Variants in ZNF804B observed in about 807,000 individuals in gnomAD.
The protein encoded by ZNF804B is zinc finger protein 804B.
In ZNF804B, 80 loss-of-function variants were observed where a neutral mutation model predicts 101.4. The observed-to-expected ratio is 0.79, with a 90% CI of 0.66 to 0.95. The LOEUF (loss-of-function observed/expected upper bound fraction) is 0.95, where lower values mean the gene tolerates loss of function less well. Ranked by LOEUF, ZNF804B falls within the 40% of genes least tolerant of loss-of-function variation. The pLI is 0.00. For missense variants in ZNF804B, 1,673 were observed against 1,561.9 expected, an observed-to-expected ratio of 1.07 and a Z score of -1.20; for synonymous variants, 622 against 558.8, an observed-to-expected ratio of 1.11 and a Z score of -1.59.
chr7:89,245,896 A>G (rs1223714030), intron 2 of ZNF804B, among the ~76,000 whole-genome samples: 1 of 152,190 alleles, frequency 6.6e-6, no homozygotes, highest in Non-Finnish European at 1.5e-5. Flanking sequence ...CTGAGGATCT[A>G]AGTAACCCAG....
At chr7:89,172,177 A>G (rs1200419923) in intron 1 of ZNF804B, among the ~76,000 whole-genome samples, 1 of 152,110 alleles carries the variant, frequency 6.6e-6, no homozygotes, top group Non-Finnish European at 1.5e-5. Flanking sequence ...AATTGAAGAA[A>G]CAGAGAACAT....
intron 1 of ZNF804B, among the ~76,000 whole-genome samples, chr7:88,772,920 G>T (rs1454313441): frequency 6.6e-6 from 1 of 152,140 alleles, no homozygotes; most frequent in African/African-American, 2.4e-5. Flanking sequence ...AATGGTGAAA[G>T]CTTCTTCCTT....
At chr7:89,067,614 A>G (rs1191314084) in intron 1 of ZNF804B, among the ~76,000 whole-genome samples, 1 of 152,064 alleles carries the variant, frequency 6.6e-6, no homozygotes, top group African/African-American at 2.4e-5. Flanking sequence ...GAGTTGGAAG[A>G]CTTCTGTTGT....
intron 1 of ZNF804B, among the ~76,000 whole-genome samples, chr7:89,127,034 A>G (rs1354799532): frequency 6.6e-6 from 1 of 151,962 alleles, no homozygotes; most frequent in Non-Finnish European, 1.5e-5. Flanking sequence ...TTTAATAATG[A>G]TAATGATCAT....
At chr7:88,987,577 T>G (rs933098058) in intron 1 of ZNF804B, among the ~76,000 whole-genome samples, 11 of 152,164 alleles carry the variant, frequency 7.2e-5, no homozygotes, top group African/African-American at 2.7e-4. Context: ...AACACTTTTT[T>G]TTTAAACAAC....
intron 1 of ZNF804B, among the ~76,000 whole-genome samples, chr7:88,882,670 C>T (rs545898216): frequency 7.2e-5 from 11 of 152,192 alleles, no homozygotes; most frequent in South Asian, 2.1e-4. Context: ...GGCAAATATG[C>T]GCCATGGAAA....
chr7:89,274,413 T>C (rs1385486265), intron 2 of ZNF804B, among the ~76,000 whole-genome samples: 5 of 143,056 alleles, frequency 3.5e-5, no homozygotes, highest in Admixed American at 1.4e-4. Flanking sequence ...ATGCGGTGTT[T>C]GGTTTTTTGT....
rs534373763 is a variant in ZNF804B, at chr7:89,228,197, G to A, written c.249+9902G>A. 7.2e-5 allele frequency among the ~76,000 whole-genome samples: 11 copies of A among 152,164 alleles called. No individual in the cohort carries two copies. The East Asian group carries it at 1.2e-3, about 16-fold the overall frequency. ...CTCAGGAGTGAAGCTGCAGACCTTC[G>A]CAGTGAGTGTTACAGCTCATAAAGG... On this transcript the variant is annotated intron_variant, in intron 2 of 3. Transcript: ENST00000333190.
chr7:89,011,687 C>T (rs1788464232), intron 1 of ZNF804B, among the ~76,000 whole-genome samples: 2 of 152,106 alleles, frequency 1.3e-5, no homozygotes, highest in Non-Finnish European at 2.9e-5. Context: ...TCATGTCTCT[C>T]ATGCAGGTCA....
intron 1 of ZNF804B, among the ~76,000 whole-genome samples, chr7:89,004,373 A>T (rs1167464827): frequency 8.6e-5 from 13 of 151,902 alleles, no homozygotes; most frequent in African/African-American, 3.1e-4. Context: ...ATAAAGTATG[A>T]TCATAAAAAT....
intron 1 of ZNF804B, among the ~76,000 whole-genome samples, chr7:88,803,161 A>G (rs1790633806): frequency 6.6e-6 from 1 of 152,018 alleles, no homozygotes; most frequent in South Asian, 2.1e-4. Context: ...TGTTCAGAAA[A>G]AAAAACGTTA....
intron 1 of ZNF804B, among the ~76,000 whole-genome samples, chr7:88,921,971 G>T (rs1584018037): frequency 6.6e-6 from 1 of 151,982 alleles, no homozygotes; most frequent in Non-Finnish European, 1.5e-5. Flanking sequence ...AAAGAAAAGA[G>T]ATTTTATTTA....
chr7:89,126,049 T>C (rs112185829), intron 1 of ZNF804B, among the ~76,000 whole-genome samples: 3,805 of 152,072 alleles, frequency 0.025, 149 homozygotes, highest in African/African-American at 0.086. Context: ...AGATTGTCCA[T>C]GGCAATTCAA....
chr7:89,066,021 A>G (rs1429672602), intron 1 of ZNF804B, among the ~76,000 whole-genome samples: 3 of 152,102 alleles, frequency 2.0e-5, no homozygotes, highest in Non-Finnish European at 4.4e-5. Context: ...CCACAACACA[A>G]TCATATGTTT....
intron 1 of ZNF804B, among the ~76,000 whole-genome samples, chr7:89,013,333 C>T (rs1327742946): frequency 2.0e-5 from 3 of 151,834 alleles, no homozygotes; most frequent in African/African-American, 7.3e-5. Context: ...AAAAAAAAAT[C>T]TAGTTAATGA....
At position 89,112,029 on chromosome 7, in the gene ZNF804B, C is replaced by T. The variant is rs186699851; in HGVS notation, c.109-106126C>T. Among the ~76,000 whole-genome samples the T allele has an allele frequency of 2.0e-3, 295 of 148,332 alleles. 5 individuals are homozygous for T. The highest frequency in any genetic ancestry group is 0.018 in the Admixed American group (270 of 14,728). On this transcript the variant is annotated intron_variant, in intron 1 of 3. Transcript: ENST00000333190. ...GCTGAGGCCGGAGAATCGCTTGAAC[C>T]TGGGAGACCTAGGTTGCAGTGAGCT...
At chr7:88,935,100 A>T (rs1265784063) in intron 1 of ZNF804B, among the ~76,000 whole-genome samples, 1 of 151,780 alleles carries the variant, frequency 6.6e-6, no homozygotes, top group African/African-American at 2.4e-5. Context: ...ATTCAGCCAT[A>T]AAAAGGAACA....
chr7:89,022,088 T>A (rs1439578048), intron 1 of ZNF804B, among the ~76,000 whole-genome samples: 1 of 152,058 alleles, frequency 6.6e-6, no homozygotes. Context: ...CTCTCTTGAC[T>A]TCAGGTTGAT....
chr7:88,814,447 AACACACACACACACACACACACAC>A (rs66471769), intron 1 of ZNF804B, among the ~76,000 whole-genome samples: 1 of 141,280 alleles, frequency 7.1e-6, no homozygotes, highest in Non-Finnish European at 1.6e-5. Flanking sequence ...CCTCCCTTCA[AACACACACACACACACACACACAC>A]ACACACACAC....
Sources: allele counts gnomAD v4.1 joint callset (sites outside exome capture counted in the v4.1 genomes callset), GRCh38; gene constraint gnomAD v4.1.1; transcripts MANE v1.5; gene names NCBI Gene and HGNC (gene_info 2026-07-23, HGNC 2026-07-21).